The following TNRC18 variants were observed in gnomAD, a reference collection of about 807,000 sequenced individuals.
TNRC18 encodes trinucleotide repeat containing 18, also known as trinucleotide repeat-containing gene 18 protein.
Under a neutral mutation model 226.7 loss-of-function variants are expected in TNRC18, and 69 were observed. The ratio of observed to expected loss-of-function variants is 0.30; its 90% confidence interval spans 0.25 to 0.37. TNRC18 has a LOEUF of 0.37. Among genes scored for constraint, TNRC18 ranks in the 10% least tolerant of loss-of-function variants. The pLI, the probability that TNRC18 is intolerant of heterozygous loss-of-function variation, is 1.00. For synonymous variants in TNRC18, 2,449 were observed against 1,927.6 expected (o/e 1.27, Z -7.09); for missense variants, 4,754 against 4,256.6 (o/e 1.12, Z -3.25).
At chr7:5,399,025 A>G (rs1211740479) in intron 2 of TNRC18, among the ~76,000 whole-genome samples, 2 of 152,170 alleles carry the variant, frequency 1.3e-5, no homozygotes, top group Non-Finnish European at 2.9e-5. Context: ...AGGCTCTAAA[A>G]TAAACCCCGA....
rs1303139842 is a variant in TNRC18 at position 5,417,855 on chromosome 7, C to CAG, written c.187+3204_187+3205insCT. Among the ~76,000 whole-genome samples, 6 of 152,326 alleles carry CAG rather than the reference C, an allele frequency of 3.9e-5. No homozygotes were observed. The East Asian group carries it at 1.2e-3, about 29-fold the overall frequency. ...CTGCCAGCGGTCTTCACTGATTAAT[C>CAG]TTTCTAAATCAATCCCAGTAGGCTG... is the stretch of plus-strand genomic sequence containing the variant. On this transcript the variant is annotated intron_variant, in intron 2 of 29. Transcript: ENST00000430969.
At chr7:5,328,979 C>G (rs1369437195) in intron 19 of TNRC18, among the ~76,000 whole-genome samples, 1 of 152,136 alleles carries the variant, frequency 6.6e-6, no homozygotes, top group Non-Finnish European at 1.5e-5. Flanking sequence ...CAGAGCAAGA[C>G]TCTGTCTCTT....
intron 4 of TNRC18, chr7:5,389,679 T>G (rs888937317): frequency 1.8e-5 from 3 of 166,682 alleles, no homozygotes; most frequent in African/African-American, 7.2e-5. Flanking sequence ...GGTCTTGAAC[T>G]CTTGACCTCA....
At chr7:5,359,876 A>G (rs1792849664) in intron 14 of TNRC18, among the ~76,000 whole-genome samples, 1 of 152,182 alleles carries the variant, frequency 6.6e-6, no homozygotes, top group African/African-American at 2.4e-5. Flanking sequence ...TATTTACCAA[A>G]TCGTGCCAAG....
intron 1 of TNRC18, among the ~76,000 whole-genome samples, chr7:5,421,983 A>C (rs1159061479): frequency 6.6e-6 from 1 of 151,046 alleles, no homozygotes; most frequent in Non-Finnish European, 1.5e-5. Context: ...CCCTTTTCCG[A>C]GTTTGGTTTT....
intron 11 of TNRC18, 112 bp downstream of exon 11, chr7:5,370,263 C>T: frequency 1.6e-6 from 2 of 1,269,310 alleles, no homozygotes; most frequent in Non-Finnish European, 2.1e-6. Context: ...TTTGAGGCTG[C>T]AGTGAGCTAA....
intron 2 of TNRC18, among the ~76,000 whole-genome samples, chr7:5,397,720 C>G (rs1235467034): frequency 6.6e-6 from 1 of 152,152 alleles, no homozygotes; most frequent in Non-Finnish European, 1.5e-5. Flanking sequence ...TCCTCCTTCA[C>G]TCCCACCTCG....
rs754288289 is a variant in TNRC18, at chr7:5,388,288, G to A, written c.1536C>T (p.Pro512=). The part of the protein sequence containing the change: ...PPTGPEHKWK[P]FELGNFAATQ... Reference sequence around the variant, plus strand: ...TGGCGGCGAAGTTGCCCAGCTCGAAGGGTTTCCATTTATGCTCAGGGCCGG... The same window carrying A: ...TGGCGGCGAAGTTGCCCAGCTCGAAAGGTTTCCATTTATGCTCAGGGCCGG... The change falls in exon 5 of 30, where the codon CCC becomes CCT. Residue 512 remains proline, a synonymous_variant. Coordinates refer to ENST00000430969, the MANE Select transcript of TNRC18 (RefSeq NM_001080495.3). 6 of 1,608,998 alleles carry A rather than the reference G, an allele frequency of 3.7e-6. No individual in the cohort carries two copies. The African/African-American group carries it at 8.0e-5, about 22-fold the overall frequency.
intron 2 of TNRC18, among the ~76,000 whole-genome samples, chr7:5,417,026 A>C (rs1271680145): frequency 7.0e-6 from 1 of 143,344 alleles, no homozygotes; most frequent in Non-Finnish European, 1.5e-5. Flanking sequence ...AGCTGGGTGC[A>C]GTGGTGCACA....
chr7:5,388,552 C>T lies in TNRC18; in HGVS notation c.1272G>A (p.Glu424=), dbSNP rs1418196570. Residue 424 remains glutamate (E), a synonymous_variant, in exon 5 of 30, where the codon GAG becomes GAA. Coordinates refer to ENST00000430969, the MANE Select transcript of TNRC18 (RefSeq NM_001080495.3). ...TGACCGAGTTCTTCTCGCGCAGGCC[C>T]TCGGGCCGGTCCAGAGGCCGCGGGG... ...PGSPRPLDRP[E]GLREKNSVIR... is the part of the protein sequence containing the mutation. The T allele has an allele frequency of 9.9e-6, 13 of 1,314,160 alleles. No individual in the cohort carries two copies. The highest frequency in any genetic ancestry group is 1.6e-5 in the African/African-American group (1 of 62,970). 81.4% of individuals were successfully genotyped at this position (1,314,160 alleles called of 1,614,324 possible).
chr7:5,365,147 T>C (rs77074299), intron 11 of TNRC18, among the ~76,000 whole-genome samples: 3,134 of 152,246 alleles, frequency 0.021, 126 homozygotes, highest in African/African-American at 0.072. Flanking sequence ...AGGGTCTCAC[T>C]CTGTCCCCCA....
intron 2 of TNRC18, among the ~76,000 whole-genome samples, chr7:5,395,951 C>G (rs982131780): frequency 2.7e-5 from 4 of 149,646 alleles, no homozygotes; most frequent in African/African-American, 9.9e-5. Flanking sequence ...GAGCTGAGAT[C>G]GCTCCACTGC....
At chr7:5,420,093 C>A (rs1343106291) in intron 2 of TNRC18, 2 of 288,544 alleles carry the variant, frequency 6.9e-6, no homozygotes, top group Non-Finnish European at 1.4e-5. Flanking sequence ...GTCTGGAGGT[C>A]CCCGAGTCTC....
chr7:5,318,890 G>A (rs1788090487), intron 24 of TNRC18, among the ~76,000 whole-genome samples: 1 of 152,166 alleles, frequency 6.6e-6, no homozygotes, highest in Non-Finnish European at 1.5e-5. Flanking sequence ...AACATACAAG[G>A]ATGTGAGAAA....
intron 18 of TNRC18, among the ~76,000 whole-genome samples, chr7:5,343,643 T>A (rs57982041): frequency 0.022 from 3,405 of 152,260 alleles, 97 homozygotes; most frequent in Admixed American, 0.077. Context: ...CCCAGGCCGG[T>A]CTTGAACTAC....
Position 5,370,975 on chromosome 7 carries a change from T to G in TNRC18, c.3619A>C (p.Ser1207Arg), listed in dbSNP as rs777612707. 1 of 1,605,882 alleles carries G rather than the reference T, an allele frequency of 6.2e-7. No homozygotes were observed. The highest frequency in any genetic ancestry group is 8.5e-7 in the Non-Finnish European group (1 of 1,179,724). The stretch of plus-strand genomic sequence containing the variant: ...TCTGCGCAGCTCTGCCCGGTGGCAC[T>G]CAGCGCCTGGGCCTCCAACAGGCCA... ...GGGLLEAQAL[S>R]ATGQSCAEPS... Residue 1207 changes from serine to arginine, a missense_variant, in exon 11 of 30, where the codon AGT becomes CGT. Physicochemically the swap from Ser to Arg is moderately radical, Grantham distance 110 (BLOSUM62 -1). Coordinates refer to ENST00000430969, the MANE Select transcript of TNRC18 (RefSeq NM_001080495.3).
In TNRC18 at chr7:5,380,328, C is replaced by T. The variant is rs1000490308; in HGVS notation, c.2153-2304G>A. 3.3e-5 allele frequency among the ~76,000 whole-genome samples: 5 copies of T among 152,332 alleles called. No individual in the cohort carries two copies. In the East Asian group the frequency reaches 9.6e-4, roughly 29 times the overall value. ...AGGCATGGTGTCATGCCCCTGTGGT[C>T]CCAGCTACTTAGGAGGCTGAGGCAG... is the stretch of plus-strand genomic sequence containing the variant. On this transcript the variant is annotated intron_variant, in intron 5 of 29. Coordinates refer to ENST00000430969, the MANE Select transcript of TNRC18 (RefSeq NM_001080495.3).
At chr7:5,395,599 C>T (rs1010678813) in intron 2 of TNRC18, among the ~76,000 whole-genome samples, 3 of 152,244 alleles carry the variant, frequency 2.0e-5, no homozygotes, top group Admixed American at 6.5e-5. Context: ...GCGCACGGGG[C>T]TTCCCTTACC....
intron 5 of TNRC18, 63 bp downstream of exon 5, chr7:5,387,609 T>G: frequency 6.3e-7 from 1 of 1,584,404 alleles, no homozygotes; most frequent in Admixed American, 1.8e-5. Context: ...CACACTGTAA[T>G]GTACGGGAAA....
Sources: allele counts gnomAD v4.1 joint callset (sites outside exome capture counted in the v4.1 genomes callset), GRCh38; gene constraint gnomAD v4.1.1; transcripts MANE v1.5; gene names NCBI Gene and HGNC (gene_info 2026-07-23, HGNC 2026-07-21).